The following ITPR2 variants were observed in gnomAD, a reference collection of about 807,000 sequenced individuals.
The protein encoded by ITPR2 is inositol 1,4,5-trisphosphate-gated calcium channel ITPR2.
Under a neutral mutation model 317.1 loss-of-function variants are expected in ITPR2, and 207 were observed. The ratio of observed to expected loss-of-function variants is 0.65; its 90% CI spans 0.58 to 0.73. The LOEUF is 0.73. ITPR2 is among the 30% of genes least tolerant of loss of function. The probability of loss-of-function intolerance (pLI) is 0.00; values close to 1 mark genes in which losing one functional copy is unlikely to be tolerated. For missense variants in ITPR2, 2,613 were observed against 3,284.0 expected, an observed-to-expected ratio of 0.80 and a Z score of 4.99; for synonymous variants, 1,156 against 1,149.1, an observed-to-expected ratio of 1.01 and a Z score of -0.12.
Position 26,472,714 on chromosome 12 carries a change from T to G in ITPR2, c.6342+2582A>C, listed in dbSNP as rs758420984. On this transcript the variant is annotated intron_variant, in intron 45 of 56. Transcript: ENST00000381340. ...AATTCATTAAAATAATTGGCCTTTA[T>G]GCCATCTTCATTTTGAATTTATTTC... Among the ~76,000 whole-genome samples the G allele has an allele frequency of 3.9e-5, 6 of 152,366 alleles. No homozygotes were observed. The East Asian group carries it at 1.2e-3, about 29-fold the overall frequency.
intron 55 of ITPR2, among the ~76,000 whole-genome samples, chr12:26,361,048 T>C (rs1591962459): frequency 6.6e-6 from 1 of 151,978 alleles, no homozygotes; most frequent in African/African-American, 2.4e-5. Context: ...ACCCCATCTC[T>C]ACTAAAAATA....
chr12:26,650,826 C>T (rs1273101747), intron 21 of ITPR2, among the ~76,000 whole-genome samples: 4 of 152,108 alleles, frequency 2.6e-5, no homozygotes, highest in African/African-American at 9.7e-5. Context: ...ATTCAGGCAG[C>T]GGAATTAATA....
Position 26,624,370 on chromosome 12 carries a change from T to C in ITPR2, c.3065-14A>G. ...CAGGAACAATAGCTGCAAAGATAAA[T>C]GGTAAAATCTCTTCTTTATCCTATT... On this transcript the variant is annotated splice_polypyrimidine_tract_variant and intron_variant, in intron 23 of 56. Transcript: ENST00000381340. The C allele has an allele frequency of 1.9e-6, 3 of 1,584,086 alleles. No homozygotes were observed. The highest frequency in any genetic ancestry group is 1.7e-6 in the Non-Finnish European group (2 of 1,158,108).
chr12:26,622,305 C>A lies in ITPR2; in HGVS notation c.3223G>T (p.Gly1075Ter). The A allele has an allele frequency of 6.2e-7, 1 of 1,614,028 alleles. No homozygotes were observed. The highest frequency in any genetic ancestry group is 8.5e-7 in the Non-Finnish European group (1 of 1,179,940). The change falls in exon 25 of 57, where the codon GGA becomes TGA. Residue 1075 changes from glycine to a stop codon, truncating the protein, a stop_gained. Transcript: ENST00000381340. LOFTEE classifies it high-confidence loss of function. Reference sequence around the variant, plus strand: ...TGCTTAAACAACAGCTGCAGGGCTCCAGACAGCAAAGGCGGGTAGTCGTGC... The same window carrying A: ...TGCTTAAACAACAGCTGCAGGGCTCAAGACAGCAAAGGCGGGTAGTCGTGC... ...IMHDYPPLLS[G>*]ALQLLFKHFS...
At chr12:26,424,586 GTTT>G (rs775756580) in intron 49 of ITPR2, among the ~76,000 whole-genome samples, 1 of 88,706 alleles carries the variant, frequency 1.1e-5, no homozygotes, top group East Asian at 3.4e-4. Context: ...TTCGTTTTGT[GTTT>G]TTTTTTTTTT....
chr12:26,498,420 A>C (rs753767074), intron 37 of ITPR2, among the ~76,000 whole-genome samples: 1 of 152,226 alleles, frequency 6.6e-6, no homozygotes, highest in East Asian at 1.9e-4. Context: ...AAAGGAAAGG[A>C]AAAACAAAAC....
intron 52 of ITPR2, 97 bp downstream of exon 52, chr12:26,411,223 G>T: frequency 1.3e-6 from 1 of 770,578 alleles, no homozygotes. Flanking sequence ...AATCCATCAT[G>T]AAATTTGTAG....
At chr12:26,496,315 C>T (rs914186158) in intron 37 of ITPR2, among the ~76,000 whole-genome samples, 1 of 152,154 alleles carries the variant, frequency 6.6e-6, no homozygotes. Context: ...CTTCATGTCC[C>T]GCTGCACCCA....
intron 40 of ITPR2, among the ~76,000 whole-genome samples, chr12:26,486,665 A>T (rs972225653): frequency 1.3e-5 from 2 of 152,166 alleles, no homozygotes; most frequent in African/African-American, 4.8e-5. Context: ...AAACTTCAAA[A>T]TGTTAATGTC....
At chr12:26,790,303 A>G in intron 1 of ITPR2, 76 bp from the exon 2 acceptor site, 1 of 1,121,582 alleles carries the variant, frequency 8.9e-7, no homozygotes, top group Non-Finnish European at 1.3e-6. Context: ...TGGATATTGC[A>G]TAAATATTTA....
intron 37 of ITPR2, among the ~76,000 whole-genome samples, chr12:26,503,126 C>A (rs545217383): frequency 6.6e-6 from 1 of 150,542 alleles, no homozygotes; most frequent in Non-Finnish European, 1.5e-5. Flanking sequence ...GGCAGTGAGA[C>A]GAGTGCATGG....
At chr12:26,642,954 C>T (rs1054881039) in intron 21 of ITPR2, among the ~76,000 whole-genome samples, 4 of 152,104 alleles carry the variant, frequency 2.6e-5, no homozygotes, top group African/African-American at 9.7e-5. Context: ...TGTGTCCCCC[C>T]GAAATTCATG....
At chr12:26,386,066 A>G (rs1939656930) in intron 55 of ITPR2, among the ~76,000 whole-genome samples, 1 of 152,142 alleles carries the variant, frequency 6.6e-6, no homozygotes, top group South Asian at 2.1e-4. Context: ...AACTTACTCA[A>G]ACTTTGAAAA....
chr12:26,543,657 T>C (rs893508285), intron 37 of ITPR2, among the ~76,000 whole-genome samples: 1 of 152,030 alleles, frequency 6.6e-6, no homozygotes, highest in Admixed American at 6.6e-5. Flanking sequence ...TAATCCCAGC[T>C]ACTCGGAAGG....
At chr12:26,397,436 C>A (rs1020710917) in intron 54 of ITPR2, among the ~76,000 whole-genome samples, 9 of 152,014 alleles carry the variant, frequency 5.9e-5, no homozygotes, top group African/African-American at 2.2e-4. Flanking sequence ...TTCTTTCTCA[C>A]TCCCTACCCC....
intron 2 of ITPR2, among the ~76,000 whole-genome samples, chr12:26,740,771 T>C (rs1355656739): frequency 1.3e-5 from 2 of 152,168 alleles, no homozygotes; most frequent in African/African-American, 2.4e-5. Context: ...GGGAAAAAAG[T>C]CTAATTTATT....
chr12:26,644,598 G>T (rs1263857532), intron 21 of ITPR2, among the ~76,000 whole-genome samples: 3 of 152,156 alleles, frequency 2.0e-5, no homozygotes, highest in African/African-American at 7.2e-5. Flanking sequence ...ATGGCAGCAG[G>T]CAAAGAGCAT....
intron 1 of ITPR2, among the ~76,000 whole-genome samples, chr12:26,809,378 T>A (rs1366900547): frequency 1.3e-5 from 2 of 152,250 alleles, no homozygotes; most frequent in African/African-American, 4.8e-5. Flanking sequence ...TCAGCTATTC[T>A]GTGGAATGAA....
In ITPR2 at chr12:26,636,313, C is replaced by CTCATA. The variant is rs1946864541; in HGVS notation, c.2741-4259_2741-4255dup. Reference sequence around the variant, plus strand: ...ATTTCGGTCATGGCATTAACACTGTCTCATATCATATCATATATTTGTCTG... The same window carrying CTCATA: ...ATTTCGGTCATGGCATTAACACTGTCTCATATCATATCATATCATATATTTGTCTG... On this transcript the variant is annotated intron_variant, in intron 21 of 56. Coordinates refer to ENST00000381340, the MANE Select transcript of ITPR2 (RefSeq NM_002223.4). Among the ~76,000 whole-genome samples, 3 of 152,188 alleles carry CTCATA rather than the reference C, an allele frequency of 2.0e-5. No individual in the cohort carries two copies. In the South Asian group the frequency reaches 6.2e-4, roughly 31 times the overall value.
Sources: gnomAD v4.1 joint callset for allele counts (sites outside exome capture counted in the v4.1 genomes callset) on GRCh38, gnomAD v4.1.1 for gene constraint, MANE v1.5 for transcripts, NCBI Gene and HGNC (gene_info 2026-07-23, HGNC 2026-07-21) for gene names.